TBC1D16: variants seen among roughly 807,000 people sequenced by gnomAD.
TBC1D16 encodes the protein TBC1 domain family member 16, also known as CTD-2529O21.1.
Under a neutral mutation model 74.7 loss-of-function variants are expected in TBC1D16, and 58 were observed. That is an observed-to-expected ratio of 0.78 (90% CI 0.63 to 0.97). The LOEUF is 0.97. Ranked by LOEUF, TBC1D16 falls within the 50% of genes least tolerant of loss-of-function variation. The pLI is 0.00. For synonymous variants in TBC1D16, 493 were observed against 474.7 expected, an observed-to-expected ratio of 1.04 and a Z score of -0.50; for missense variants, 1,014 against 1,079.5, an observed-to-expected ratio of 0.94 and a Z score of 0.85.
At chr17:79,945,772 G>T (rs879849189) in intron 9 of TBC1D16, among the ~76,000 whole-genome samples, 10 of 152,242 alleles carry the variant, frequency 6.6e-5, no homozygotes, top group Non-Finnish European at 1.3e-4. Context: ...CAAGCAATGT[G>T]GACACCCGAC....
rs544684755 is a variant in TBC1D16, at chr17:80,006,909, C to T, written c.779+3251G>A. ...CTCCTAGGCTCAAGCAATCCACCCA[C>T]CTTGGCCTCCCAAAGTGCTGGGATT... On this transcript the variant is annotated intron_variant, in intron 3 of 11. Coordinates refer to ENST00000310924, the MANE Select transcript of TBC1D16 (RefSeq NM_019020.4). 3.3e-5 allele frequency among the ~76,000 whole-genome samples: 5 copies of T among 152,282 alleles called. No homozygotes were observed. The East Asian group carries it at 7.7e-4, about 24-fold the overall frequency.
chr17:79,973,220 A>C (rs1706668686), intron 3 of TBC1D16, among the ~76,000 whole-genome samples: 1 of 152,184 alleles, frequency 6.6e-6, no homozygotes, highest in African/African-American at 2.4e-5. Context: ...ATACATACAC[A>C]CCTATGATAA....
rs2034550715 is a variant in TBC1D16 at position 79,980,841 on chromosome 17, G to A, written c.780-28023C>T. 3.3e-5 allele frequency among the ~76,000 whole-genome samples: 5 copies of A among 152,140 alleles called. No homozygotes were observed. The highest frequency in any genetic ancestry group is 9.7e-5 in the African/African-American group (4 of 41,420). ...TGCCCGAATCTGTGCCCTGGTCCCC[G>A]TTACTGTTCCTGCAGGCTGGAAGGG... On this transcript the variant is annotated intron_variant, in intron 3 of 11. Transcript: ENST00000310924. The surrounding 1 kb of genome is among the most constrained non-coding windows in gnomAD (Gnocchi z 7.0).
In TBC1D16 at chr17:79,983,363, G is replaced by A. The variant is rs1210324259; in HGVS notation, c.779+26797C>T. Among the ~76,000 whole-genome samples the A allele has an allele frequency of 1.3e-5, 2 of 152,216 alleles. No individual in the cohort carries two copies. Among genetic ancestry groups the A allele is most frequent in the African/African-American group, 4.8e-5 (2 of 41,464 alleles). On this transcript the variant is annotated intron_variant, in intron 3 of 11. Coordinates refer to ENST00000310924, the MANE Select transcript of TBC1D16 (RefSeq NM_019020.4). The surrounding 1 kb of genome is among the most constrained non-coding windows in gnomAD (Gnocchi z 5.6). ...TTGCAGGGCCCAGGGGCCCCTCGGA[G>A]GGGCTCCTGTCCCTCTGCACCAAAG...
chr17:80,032,739 AC>A (rs1199921903), intron 1 of TBC1D16, among the ~76,000 whole-genome samples: 9 of 152,224 alleles, frequency 5.9e-5, no homozygotes, highest in Non-Finnish European at 1.3e-4. Context: ...CAAATGCAAT[AC>A]AAATGGTGTA....
Position 80,033,222 on chromosome 17 carries a change from A to G in TBC1D16, c.-63+2573T>C, listed in dbSNP as rs536729960. ...CTTACCACATCCTAAATGGTAACTC[A>G]GGATGTGTCAGGAATTCAATGCTTT... On this transcript the variant is annotated intron_variant, in intron 1 of 11. Transcript: ENST00000310924. Among the ~76,000 whole-genome samples the G allele has an allele frequency of 2.0e-5, 3 of 152,374 alleles. No individual in the cohort carries two copies. The East Asian group carries it at 5.8e-4, about 29-fold the overall frequency.
At position 79,985,240 on chromosome 17, in the gene TBC1D16, G is replaced by A. The variant is rs572693835; in HGVS notation, c.779+24920C>T. 4.6e-5 allele frequency among the ~76,000 whole-genome samples: 7 copies of A among 152,128 alleles called. No individual in the cohort carries two copies. The highest frequency in any genetic ancestry group is 3.9e-4 in the East Asian group (2 of 5,180). On this transcript the variant is annotated intron_variant, in intron 3 of 11. Transcript: ENST00000310924. The surrounding 1 kb of genome is among the most constrained non-coding windows in gnomAD (Gnocchi z 4.9). The stretch of plus-strand genomic sequence containing the variant: ...CCCTCCTGTGTCTGTGTGTCCGTCC[G>A]TGTCTTTTAAAGACATCCGTTGGAT...
At chr17:79,948,776 T>A in intron 8 of TBC1D16, 96 bp downstream of exon 8, 1 of 1,508,672 alleles carries the variant, frequency 6.6e-7, no homozygotes, top group Non-Finnish European at 9.2e-7. Flanking sequence ...AGAGAGCCCC[T>A]GCAGAAACTC....
chr17:79,951,411 G>A (rs758464616), intron 5 of TBC1D16, 39 bp downstream of exon 5: 27 of 1,602,770 alleles, frequency 1.7e-5, no homozygotes, highest in Non-Finnish European at 2.3e-5. Flanking sequence ...GGTGGGGAGT[G>A]TCAACCGCTG....
In TBC1D16 at chr17:79,952,726, G is replaced by A. The variant is rs2143747258; in HGVS notation, c.872C>T (p.Ala291Val). ...PRWDEPQRVCALEQICGVFRV... is the reference protein window; with the variant it reads ...PRWDEPQRVCVLEQICGVFRV... ...GAACACGCCGCAAATCTGCTCCAGG[G>A]CGCACACCCGCTGCGGCTCGTCCCA... The change falls in exon 4 of 12, where the codon GCC becomes GTC. Residue 291 changes from alanine to valine, a missense_variant. Ala to Val is a moderately conservative substitution (Grantham distance 64, BLOSUM62 0). Coordinates refer to ENST00000310924, the MANE Select transcript of TBC1D16 (RefSeq NM_019020.4). The A allele has an allele frequency of 6.2e-7, 1 of 1,612,406 alleles. No individual in the cohort carries two copies. The highest frequency in any genetic ancestry group is 2.2e-5 in the East Asian group (1 of 44,840).
In TBC1D16 at chr17:79,979,777, C is replaced by G. The variant is rs184400715; in HGVS notation, c.780-26959G>C. On this transcript the variant is annotated intron_variant, in intron 3 of 11. Transcript: ENST00000310924. The surrounding 1 kb of genome is among the most constrained non-coding windows in gnomAD (Gnocchi z 4.8). Reference sequence around the variant, plus strand: ...CCTTCACATCCACCAAAAGCTCACCCTGACTAGAGAACCAAGCAGAGACTG... The same window carrying G: ...CCTTCACATCCACCAAAAGCTCACCGTGACTAGAGAACCAAGCAGAGACTG... 1.4e-4 allele frequency among the ~76,000 whole-genome samples: 21 copies of G among 151,916 alleles called. 2 individuals are homozygous for G. Among genetic ancestry groups the G allele is most frequent in the Middle Eastern group, 3.4e-3 (1 of 294 alleles).
intron 1 of TBC1D16, among the ~76,000 whole-genome samples, chr17:80,017,455 G>T (rs1214054413): frequency 6.6e-6 from 1 of 152,038 alleles, no homozygotes; most frequent in East Asian, 1.9e-4. Context: ...GCCTAGGTGG[G>T]CGGATCACCT....
In TBC1D16 at chr17:79,950,812, G is replaced by C; in HGVS notation, c.1090-234C>G. On this transcript the variant is annotated intron_variant, in intron 5 of 11. Transcript: ENST00000310924. This position sits in a 1 kb window ranked among gnomAD's most constrained non-coding sequence, Gnocchi z 4.6. ...TCTCTCCTCCCCGGCCCACTGTGCC[G>C]CCGCCCCCCACTCTCTCCAACCCCA... 6.5e-7 allele frequency: 1 copy of C among 1,535,232 alleles called. No homozygotes were observed. Among genetic ancestry groups the C allele is most frequent in the Non-Finnish European group, 8.7e-7 (1 of 1,146,422 alleles).
At chr17:79,946,779 G>A (rs1027502714) in intron 9 of TBC1D16, among the ~76,000 whole-genome samples, 5 of 152,194 alleles carry the variant, frequency 3.3e-5, no homozygotes, top group Non-Finnish European at 7.4e-5. Context: ...GGACTGCTCT[G>A]CTCAGCCCAG....
chr17:79,986,594 G>A lies in TBC1D16; in HGVS notation c.779+23566C>T, dbSNP rs1464123608. On this transcript the variant is annotated intron_variant, in intron 3 of 11. Coordinates refer to ENST00000310924, the MANE Select transcript of TBC1D16 (RefSeq NM_019020.4). This position sits in a 1 kb window ranked among gnomAD's most constrained non-coding sequence, Gnocchi z 6.0. The stretch of plus-strand genomic sequence containing the variant: ...TGCCGAAGCCTGGCCTTTGAAGGAT[G>A]AACGGCAAGGGGTATGTCTGCCCTG... Among the ~76,000 whole-genome samples, 1 of 152,210 alleles carries A rather than the reference G, an allele frequency of 6.6e-6. No homozygotes were observed. The highest frequency in any genetic ancestry group is 1.5e-5 in the Non-Finnish European group (1 of 68,048).
At position 79,980,341 on chromosome 17, in the gene TBC1D16, C is replaced by A. The variant is rs1052404236; in HGVS notation, c.780-27523G>T. On this transcript the variant is annotated intron_variant, in intron 3 of 11. Coordinates refer to ENST00000310924, the MANE Select transcript of TBC1D16 (RefSeq NM_019020.4). The surrounding 1 kb of genome is among the most constrained non-coding windows in gnomAD (Gnocchi z 7.0). Reference sequence around the variant, plus strand: ...CTTCACGGCACGGGCTTCTTGACCACCATGTAGGGTCAGCAAATTCCGCCT... The same window carrying A: ...CTTCACGGCACGGGCTTCTTGACCAACATGTAGGGTCAGCAAATTCCGCCT... Among the ~76,000 whole-genome samples the A allele has an allele frequency of 6.6e-6, 1 of 152,222 alleles. No individual in the cohort carries two copies. The highest frequency in any genetic ancestry group is 2.4e-5 in the African/African-American group (1 of 41,458).
Position 79,934,933 on chromosome 17 carries a change from C to G in TBC1D16, c.*5926G>C, listed in dbSNP as rs1251945298. The G allele has an allele frequency of 1.0e-4, 16 of 152,478 alleles. No homozygotes were observed. Among genetic ancestry groups the G allele is most frequent in the Admixed American group, 9.8e-4 (15 of 15,308 alleles). 9.4% of individuals were successfully genotyped at this position (152,478 alleles called of 1,614,324 possible). ...GATGAAGAGCTGGAGCTCCCCGCCC[C>G]CCGTGCTCCGGGAGGACCAGGAGAC... is the stretch of plus-strand genomic sequence containing the variant. On this transcript the variant is annotated 3_prime_UTR_variant, in exon 12 of 12. Coordinates refer to ENST00000310924, the MANE Select transcript of TBC1D16 (RefSeq NM_019020.4).
rs1304939452 is a variant in TBC1D16, at chr17:80,010,524, C to T, written c.415G>A (p.Glu139Lys). 2 of 1,610,922 alleles carry T rather than the reference C, an allele frequency of 1.2e-6. No individual in the cohort carries two copies. The highest frequency in any genetic ancestry group is 1.7e-5 in the Admixed American group (1 of 59,480). ...CTCTGGGCCACCACCAGGATGTCCT[C>T]ATCTTTGGGGGTCAGGGTAGGCCGC... ...ELRPTLTPKDEDILVVAQSVP... is the reference protein window; with the variant it reads ...ELRPTLTPKDKDILVVAQSVP... Residue 139 changes from glutamate (E) to lysine (K), a missense_variant, in exon 3 of 12, where the codon GAG becomes AAG. Coordinates refer to ENST00000310924, the MANE Select transcript of TBC1D16 (RefSeq NM_019020.4). This position sits in a 1 kb window ranked among gnomAD's most constrained non-coding sequence, Gnocchi z 8.8.
intron 3 of TBC1D16, among the ~76,000 whole-genome samples, chr17:79,966,261 C>A (rs1160275634): frequency 6.6e-6 from 1 of 152,124 alleles, no homozygotes; most frequent in East Asian, 1.9e-4. Flanking sequence ...GGATTAGAGA[C>A]CACCCTAATC....
Sources: gnomAD v4.1 joint callset for allele counts (sites outside exome capture counted in the v4.1 genomes callset) on GRCh38, gnomAD v4.1.1 for gene constraint, Gnocchi (gnomAD v3.1) non-coding constraint, MANE v1.5 for transcripts, NCBI Gene and HGNC (gene_info 2026-07-23, HGNC 2026-07-21) for gene names.